LMBRD1: variants seen among roughly 807,000 people sequenced by gnomAD.
LMBRD1 encodes the protein LMBR1 domain containing 1.
Under a neutral mutation model 74.8 loss-of-function variants are expected in LMBRD1, and 64 were observed. That is an observed-to-expected ratio of 0.86 (90% CI 0.70 to 1.05). The LOEUF (loss-of-function observed/expected upper bound fraction) is 1.05, where lower values mean the gene tolerates loss of function less well. Ranked by LOEUF, LMBRD1 falls within the 50% of genes least tolerant of loss-of-function variation. The pLI, the probability that LMBRD1 is intolerant of heterozygous loss-of-function variation, is 0.00. For missense variants in LMBRD1, 652 were observed against 645.9 expected (o/e 1.01, Z -0.10); for synonymous variants, 204 against 216.3 (o/e 0.94, Z 0.50).
intron 3 of LMBRD1, among the ~76,000 whole-genome samples, chr6:69,768,034 T>C (rs557629959): frequency 6.6e-6 from 1 of 152,078 alleles, no homozygotes; most frequent in Non-Finnish European, 1.5e-5. Context: ...ATGACATCTT[T>C]TACTAACCTT....
intron 9 of LMBRD1, 70 bp downstream of exon 9, chr6:69,713,575 C>T: frequency 6.8e-7 from 1 of 1,472,356 alleles, no homozygotes; most frequent in Non-Finnish European, 9.5e-7. Flanking sequence ...AAGGAGAGCT[C>T]AATCTCTCCA....
At chr6:69,752,092 G>A (rs913082270) in intron 4 of LMBRD1, among the ~76,000 whole-genome samples, 167 bp downstream of exon 4, 1 of 152,116 alleles carries the variant, frequency 6.6e-6, no homozygotes, top group Non-Finnish European at 1.5e-5. Context: ...TAAATACAAT[G>A]TATAATTAAA....
intron 8 of LMBRD1, among the ~76,000 whole-genome samples, chr6:69,715,636 C>T (rs945586626): frequency 3.3e-5 from 5 of 152,082 alleles, no homozygotes; most frequent in Non-Finnish European, 7.4e-5. Context: ...TTCCCCTTTC[C>T]TATGGTTTTT....
At chr6:69,791,907 G>A (rs1266107170) in intron 1 of LMBRD1, among the ~76,000 whole-genome samples, 1 of 152,192 alleles carries the variant, frequency 6.6e-6, no homozygotes, top group African/African-American at 2.4e-5. Context: ...GGACCAAGCT[G>A]GTTAAGACCC....
intron 3 of LMBRD1, among the ~76,000 whole-genome samples, chr6:69,774,948 T>TGGAAGGAAGGAAGGAC (rs1765657908): frequency 2.6e-5 from 1 of 38,838 alleles, no homozygotes; most frequent in Non-Finnish European, 4.6e-5. Context: ...TACAGTGAGA[T>TGGAAGGAAGGAAGGAC]GGAAGGAAGG....
At chr6:69,737,211 T>A (rs933799095) in intron 7 of LMBRD1, among the ~76,000 whole-genome samples, 2 of 152,230 alleles carry the variant, frequency 1.3e-5, no homozygotes, top group East Asian at 3.9e-4. Context: ...AACATAAACT[T>A]CATTAATCTG....
intron 14 of LMBRD1, among the ~76,000 whole-genome samples, chr6:69,680,532 C>T (rs1211597569): frequency 1.3e-5 from 2 of 151,820 alleles, no homozygotes; most frequent in South Asian, 2.1e-4. Flanking sequence ...CTCTTGCCCA[C>T]CACCAAAACC....
intron 2 of LMBRD1, among the ~76,000 whole-genome samples, chr6:69,789,689 T>C (rs570977376): frequency 3.9e-5 from 6 of 152,276 alleles, no homozygotes; most frequent in Admixed American, 3.3e-4. Context: ...ATACTGGGGC[T>C]ACAACAACAG....
Position 69,699,428 on chromosome 6 carries a change from GCTAA to G in LMBRD1, c.1189-240_1189-237del, listed in dbSNP as rs1429547042. Among the ~76,000 whole-genome samples, 14 of 151,808 alleles carry G rather than the reference GCTAA, an allele frequency of 9.2e-5. No individual in the cohort carries two copies. The East Asian group carries it at 2.5e-3, about 27-fold the overall frequency. ...ACAGCATCTGTTAGAAGTTCATGGAGCTAACTGTGAACTACCTCTAGTTCTATCT... is the reference window on the plus strand; with the variant it reads ...ACAGCATCTGTTAGAAGTTCATGGAGCTGTGAACTACCTCTAGTTCTATCT... On this transcript the variant is annotated intron_variant, in intron 12 of 15. Coordinates refer to ENST00000649934, the MANE Select transcript of LMBRD1 (RefSeq NM_018368.4).
intron 3 of LMBRD1, among the ~76,000 whole-genome samples, chr6:69,761,226 T>C (rs1765365374): frequency 1.3e-5 from 2 of 152,306 alleles, no homozygotes; most frequent in South Asian, 4.1e-4. Flanking sequence ...CTTTGTATTC[T>C]GAAGAACAGT....
intron 5 of LMBRD1, among the ~76,000 whole-genome samples, chr6:69,748,438 C>T (rs945459440): frequency 1.3e-5 from 2 of 152,044 alleles, no homozygotes; most frequent in African/African-American, 4.8e-5. Context: ...CATGACACAT[C>T]AAGGCAGGTA....
intron 3 of LMBRD1, among the ~76,000 whole-genome samples, chr6:69,754,169 G>A (rs1259394920): frequency 6.6e-6 from 1 of 151,972 alleles, no homozygotes; most frequent in Non-Finnish European, 1.5e-5. Flanking sequence ...CTGTTAATAA[G>A]GTATAGTTCA....
At chr6:69,743,889 A>G (rs1401548057) in intron 5 of LMBRD1, among the ~76,000 whole-genome samples, 2 of 152,200 alleles carry the variant, frequency 1.3e-5, no homozygotes, top group South Asian at 2.1e-4. Flanking sequence ...TGACTGGTAT[A>G]AAAGCATGTC....
intron 7 of LMBRD1, among the ~76,000 whole-genome samples, chr6:69,737,057 GA>G (rs759593554): frequency 6.6e-6 from 1 of 152,104 alleles, no homozygotes; most frequent in African/African-American, 2.4e-5. Context: ...TATGGCACGT[GA>G]ATGATCATGT....
chr6:69,757,331 G>A (rs1582130571), intron 3 of LMBRD1, among the ~76,000 whole-genome samples: 1 of 152,204 alleles, frequency 6.6e-6, no homozygotes, highest in East Asian at 1.9e-4. Context: ...CATGTTGCTG[G>A]TAAAAGTGCC....
intron 9 of LMBRD1, among the ~76,000 whole-genome samples, chr6:69,707,608 A>G (rs1274465885): frequency 6.6e-6 from 1 of 152,128 alleles, no homozygotes; most frequent in East Asian, 1.9e-4. Context: ...TCTCTTTTAA[A>G]TAGCATACAT....
intron 14 of LMBRD1, among the ~76,000 whole-genome samples, chr6:69,694,650 CTG>C (rs887218928): frequency 1.3e-5 from 2 of 152,112 alleles, no homozygotes; most frequent in Admixed American, 6.5e-5. Flanking sequence ...TCTGTGGTCA[CTG>C]TTTATTTTCT....
At chr6:69,752,408 C>A in intron 3 of LMBRD1, 52 bp from the exon 4 acceptor site, 2 of 1,383,128 alleles carry the variant, frequency 1.4e-6, no homozygotes, top group Non-Finnish European at 2.0e-6. Flanking sequence ...TGTACTTAAT[C>A]ATGGTTATCT....
rs749818863 is a variant in LMBRD1, at chr6:69,701,879, C to T, written c.980+10G>A. ...ATAAGTGCTTTAGAAAATGTGTCTA[C>T]TGTACTTACTTTGACAAGAAGAGAG... is the stretch of plus-strand genomic sequence containing the variant. On this transcript the variant is annotated intron_variant, in intron 10 of 15. Coordinates refer to ENST00000649934, the MANE Select transcript of LMBRD1 (RefSeq NM_018368.4). The T allele has an allele frequency of 7.2e-6, 11 of 1,534,720 alleles. No homozygotes were observed. The South Asian group carries it at 1.2e-4, about 17-fold the overall frequency.
Sources: gnomAD v4.1 joint callset for allele counts (sites outside exome capture counted in the v4.1 genomes callset) on GRCh38, gnomAD v4.1.1 for gene constraint, MANE v1.5 for transcripts, NCBI Gene and HGNC (gene_info 2026-07-23, HGNC 2026-07-21) for gene names.